The following DMD variants were observed in gnomAD, a reference collection of about 807,000 sequenced individuals.
DMD encodes the protein mutant dystrophin.
A neutral mutation model predicts 330.1 loss-of-function variants in DMD; 63 were observed. That is an observed-to-expected ratio of 0.19 (90% CI 0.16 to 0.24). The LOEUF (loss-of-function observed/expected upper bound fraction) is 0.24. Among genes scored for constraint, DMD ranks in the 10% least tolerant of loss-of-function variants. The pLI, the probability that DMD is intolerant of heterozygous loss-of-function variation, is 1.00. For missense variants in DMD, 3,344 were observed against 2,684.1 expected (o/e 1.25, Z -5.43); for synonymous variants, 1,223 against 959.8 (o/e 1.27, Z -5.07).
chrX:32,502,308 TATATA>T lies in DMD; in HGVS notation c.2293-471_2293-467del, dbSNP rs763527473. On this transcript the variant is annotated intron_variant, in intron 18 of 78. Transcript: ENST00000357033. The stretch of plus-strand genomic sequence containing the variant: ...ACTACCATAAATAATTTAGCAGAAA[TATATA>T]ATATATGTACATATATATTTAAATA... 3.9e-4 allele frequency among the ~76,000 whole-genome samples: 43 copies of T among 111,430 alleles called. 1 individual carries two copies. Among genetic ancestry groups the T allele is most frequent in the South Asian group, 3.7e-4 (1 of 2,697 alleles).
intron 9 of DMD, among the ~76,000 whole-genome samples, chrX:32,670,958 A>G (rs1171076824): frequency 2.7e-5 from 3 of 110,979 alleles, no homozygotes; most frequent in Non-Finnish European, 5.7e-5. Context: ...TGGGAGAATA[A>G]TATACATATA....
intron 1 of DMD, among the ~76,000 whole-genome samples, chrX:33,275,063 T>G (rs1478339483): frequency 8.9e-6 from 1 of 111,911 alleles, no homozygotes; most frequent in African/African-American, 3.3e-5. Context: ...TTGTGCTGTT[T>G]GTTTTCTAAG....
At chrX:31,144,332 C>T (rs901129264) in intron 76 of DMD, among the ~76,000 whole-genome samples, 1 of 112,120 alleles carries the variant, frequency 8.9e-6, no homozygotes, top group Admixed American at 9.4e-5. Flanking sequence ...AGCTCAGCAA[C>T]GTTGGTCTCA....
At chrX:31,214,937 C>CTTTTTTCTTTTTTCT (rs1556299261) in intron 64 of DMD, among the ~76,000 whole-genome samples, 1 of 38,101 alleles carries the variant, frequency 2.6e-5, no homozygotes, top group Admixed American at 4.2e-4. Flanking sequence ...TTTCTTTTTT[C>CTTTTTTCTTTTTTCT]TTTTTTTTTT....
At chrX:32,315,837 A>T (rs1434824429) in intron 41 of DMD, among the ~76,000 whole-genome samples, 1 of 112,131 alleles carries the variant, frequency 8.9e-6, no homozygotes, top group Non-Finnish European at 1.9e-5. Flanking sequence ...GAAGAGTGTT[A>T]TGTGGCATCT....
intron 1 of DMD, among the ~76,000 whole-genome samples, chrX:33,331,215 G>A (rs991745181): frequency 8.1e-5 from 9 of 111,678 alleles, no homozygotes; most frequent in African/African-American, 2.9e-4. Flanking sequence ...ACCAAAACCA[G>A]CCCATGAATG....
At chrX:31,300,006 T>A (rs926769654) in intron 62 of DMD, among the ~76,000 whole-genome samples, 1 of 111,781 alleles carries the variant, frequency 8.9e-6, no homozygotes, top group African/African-American at 3.2e-5. Flanking sequence ...AAGATTGAGT[T>A]ACCTTAAAAT....
intron 9 of DMD, among the ~76,000 whole-genome samples, chrX:32,691,846 C>T (rs1286359446): frequency 9.0e-6 from 1 of 111,242 alleles, no homozygotes; most frequent in Non-Finnish European, 1.9e-5. Flanking sequence ...AGAGATCCTG[C>T]CACATTAACA....
intron 7 of DMD, among the ~76,000 whole-genome samples, chrX:32,739,506 G>C (rs1347969851): frequency 9.0e-6 from 1 of 111,695 alleles, no homozygotes; most frequent in Non-Finnish European, 1.9e-5. Flanking sequence ...AAAGGTATAG[G>C]CAATACTTCT....
At chrX:31,721,696 C>CCA (rs2085525193) in intron 52 of DMD, among the ~76,000 whole-genome samples, 1 of 66,005 alleles carries the variant, frequency 1.5e-5, no homozygotes, top group African/African-American at 8.3e-5. Context: ...CTCTCTCTCT[C>CCA]TCTCTCTCTC....
intron 55 of DMD, among the ~76,000 whole-genome samples, chrX:31,568,637 A>T (rs940539715): frequency 2.7e-5 from 3 of 111,210 alleles, no homozygotes; most frequent in African/African-American, 9.8e-5. Flanking sequence ...TTTAATTTTA[A>T]CCTACCTAGG....
chrX:33,055,893 G>A (rs778447401), intron 1 of DMD, among the ~76,000 whole-genome samples: 4 of 110,534 alleles, frequency 3.6e-5, no homozygotes, highest in Non-Finnish European at 7.5e-5. Context: ...TAGAATCATG[G>A]AGAAGAATAA....
chrX:32,987,288 C>A (rs950913183), intron 2 of DMD, among the ~76,000 whole-genome samples: 1 of 111,746 alleles, frequency 8.9e-6, no homozygotes, highest in South Asian at 3.8e-4. Context: ...GCGTCAGCTT[C>A]AGCAGAAGCT....
chrX:31,570,616 A>G (rs1446147588), intron 55 of DMD, among the ~76,000 whole-genome samples: 1 of 111,706 alleles, frequency 9.0e-6, no homozygotes, highest in Admixed American at 9.5e-5. Flanking sequence ...AATCTCATTT[A>G]CCTTCTTTTG....
intron 12 of DMD, among the ~76,000 whole-genome samples, chrX:32,602,989 T>G (rs1481224112): frequency 9.0e-6 from 1 of 111,651 alleles, no homozygotes; most frequent in Non-Finnish European, 1.9e-5. Context: ...TCTATTTGTC[T>G]GTAAAATCAA....
At chrX:31,296,352 T>C (rs764874835) in intron 62 of DMD, among the ~76,000 whole-genome samples, 1 of 112,016 alleles carries the variant, frequency 8.9e-6, no homozygotes, top group South Asian at 3.7e-4. Context: ...TGTGAAAAAC[T>C]ATTGAAAGTA....
intron 49 of DMD, among the ~76,000 whole-genome samples, chrX:31,826,614 G>T (rs1378073871): frequency 1.8e-5 from 2 of 112,121 alleles, no homozygotes; most frequent in African/African-American, 6.5e-5. Context: ...CTAGTCAGGT[G>T]TTCATCATAT....
At chrX:33,189,188 G>A (rs1269098045) in intron 1 of DMD, among the ~76,000 whole-genome samples, 1 of 110,966 alleles carries the variant, frequency 9.0e-6, no homozygotes, top group African/African-American at 3.3e-5. Context: ...TGTAAGCATA[G>A]TGTTACAATG....
At chrX:31,864,906 C>T (rs1260296915) in intron 48 of DMD, among the ~76,000 whole-genome samples, 1 of 111,937 alleles carries the variant, frequency 8.9e-6, no homozygotes, top group East Asian at 2.8e-4. Flanking sequence ...TTAGTTTTGC[C>T]TTATCTAACA....
Sources: allele counts gnomAD v4.1 joint callset (sites outside exome capture counted in the v4.1 genomes callset), GRCh38; gene constraint gnomAD v4.1.1; transcripts MANE v1.5; gene names NCBI Gene and HGNC (gene_info 2026-07-23, HGNC 2026-07-21).